Variants in DLGAP1 observed in about 807,000 individuals in gnomAD.
DLGAP1 encodes the protein DLG associated protein 1.
A neutral mutation model predicts 90.8 loss-of-function variants in DLGAP1; 11 were observed. That is an observed-to-expected ratio of 0.12 (90% CI 0.08 to 0.20). The LOEUF is 0.20. Among genes scored for constraint, DLGAP1 ranks in the 10% least tolerant of loss-of-function variants. DLGAP1 has a pLI of 1.00. For synonymous variants in DLGAP1, 558 were observed against 540.7 expected (o/e 1.03, Z -0.44); for missense variants, 1,050 against 1,333.8 (o/e 0.79, Z 3.31).
chr18:3,826,409 G>T (rs1398426310), intron 4 of DLGAP1, among the ~76,000 whole-genome samples: 2 of 152,184 alleles, frequency 1.3e-5, no homozygotes, highest in Non-Finnish European at 1.5e-5. Context: ...GTGGAGGAGA[G>T]GTGGGTGGTG....
At chr18:3,725,846 G>A (rs2062155034) in intron 7 of DLGAP1, among the ~76,000 whole-genome samples, 1 of 152,112 alleles carries the variant, frequency 6.6e-6, no homozygotes, top group South Asian at 2.1e-4. Flanking sequence ...AATACCTAGA[G>A]GATCCCTGCA....
chr18:3,602,870 A>G (rs562355337), intron 7 of DLGAP1: 2 of 152,334 alleles, frequency 1.3e-5, no homozygotes, highest in East Asian at 1.9e-4. Context: ...CGACTAAGCC[A>G]GAGGACGCAA....
At chr18:3,579,228 G>C (rs1386152836) in intron 8 of DLGAP1, among the ~76,000 whole-genome samples, 1 of 152,150 alleles carries the variant, frequency 6.6e-6, no homozygotes, top group Non-Finnish European at 1.5e-5. Flanking sequence ...CTTTCTTTTT[G>C]AGATGGAATT....
intron 6 of DLGAP1, among the ~76,000 whole-genome samples, chr18:3,731,777 CAG>C (rs2147494776): frequency 6.6e-6 from 1 of 152,128 alleles, no homozygotes; most frequent in South Asian, 2.1e-4. Flanking sequence ...TACACAGATA[CAG>C]AAAACCATAC....
At chr18:3,726,611 TG>T (rs1429819122) in intron 7 of DLGAP1, among the ~76,000 whole-genome samples, 1 of 152,238 alleles carries the variant, frequency 6.6e-6, no homozygotes, top group Non-Finnish European at 1.5e-5. Context: ...AAATATCCTA[TG>T]TGCTTACTTA....
chr18:3,992,261 G>T lies in DLGAP1; in HGVS notation c.-73+12855C>A, dbSNP rs368207148. Among the ~76,000 whole-genome samples, 41 of 152,128 alleles carry T rather than the reference G, an allele frequency of 2.7e-4. 1 individual carries two copies. The highest frequency in any genetic ancestry group is 1.6e-3 in the Admixed American group (25 of 15,280). On this transcript the variant is annotated intron_variant, in intron 3 of 12. Coordinates refer to ENST00000315677, the MANE Select transcript of DLGAP1 (RefSeq NM_004746.4). ...GCCAGGCCACTACTTTGTAAAGTAG[G>T]GAAGTCTGCAGGCCCTAGTTGTTCT...
At chr18:4,049,548 A>G (rs1044278368) in intron 2 of DLGAP1, among the ~76,000 whole-genome samples, 1 of 152,124 alleles carries the variant, frequency 6.6e-6, no homozygotes, top group Admixed American at 6.6e-5. Flanking sequence ...TCTAATTTAT[A>G]AGTCTGGGAT....
chr18:4,076,526 A>G (rs753077923), intron 2 of DLGAP1, among the ~76,000 whole-genome samples: 1 of 152,212 alleles, frequency 6.6e-6, no homozygotes, highest in Admixed American at 6.5e-5. Flanking sequence ...ACTAAAGCCT[A>G]GGGTCTAGTG....
chr18:3,597,065 C>T (rs1568268866), intron 7 of DLGAP1: 1 of 519,946 alleles, frequency 1.9e-6, no homozygotes, highest in East Asian at 5.5e-5. Context: ...TGTTTTTCTT[C>T]TTCATTCTTT....
intron 12 of DLGAP1, among the ~76,000 whole-genome samples, chr18:3,500,655 T>G (rs1024265960): frequency 6.6e-6 from 1 of 152,120 alleles, no homozygotes; most frequent in Non-Finnish European, 1.5e-5. Context: ...GCTTGTTCAT[T>G]TTTCTCCTCA....
intron 7 of DLGAP1, among the ~76,000 whole-genome samples, chr18:3,720,895 A>AAAAAAAAAAAAAAAAAAAAAAAG (rs2061953800): frequency 7.1e-6 from 1 of 140,406 alleles, no homozygotes; most frequent in African/African-American, 2.9e-5. Context: ...CTACAAAAAA[A>AAAAAAAAAAAAAAAAAAAAAAAG]AAAAAAAAAA....
At chr18:3,682,867 T>G (rs1177673678) in intron 7 of DLGAP1, among the ~76,000 whole-genome samples, 1 of 151,842 alleles carries the variant, frequency 6.6e-6, no homozygotes, top group Non-Finnish European at 1.5e-5. Context: ...TTCTTTTTTT[T>G]TTTTTTCTGA....
At chr18:3,902,969 G>T (rs896401237) in intron 3 of DLGAP1, among the ~76,000 whole-genome samples, 5 of 151,982 alleles carry the variant, frequency 3.3e-5, no homozygotes, top group African/African-American at 1.2e-4. Flanking sequence ...CTTAATTCCA[G>T]CTGAGAGTGA....
intron 1 of DLGAP1, among the ~76,000 whole-genome samples, chr18:4,423,394 T>G (rs1307938282): frequency 6.6e-6 from 1 of 152,174 alleles, no homozygotes; most frequent in Non-Finnish European, 1.5e-5. Flanking sequence ...TTGTTAAAAT[T>G]TTCGTAATTC....
chr18:4,440,120 CAA>C (rs35152199), intron 1 of DLGAP1, among the ~76,000 whole-genome samples: 30 of 49,332 alleles, frequency 6.1e-4, no homozygotes, highest in African/African-American at 1.7e-3. Context: ...ACTCCGTCAC[CAA>C]AAAAAAAAAA....
At chr18:4,277,980 A>T (rs962313586) in intron 1 of DLGAP1, among the ~76,000 whole-genome samples, 1 of 148,602 alleles carries the variant, frequency 6.7e-6, no homozygotes, top group Admixed American at 6.7e-5. Context: ...AAAAGTGGGA[A>T]AGAGATTGCA....
chr18:4,249,447 C>CAAA (rs11301773), intron 1 of DLGAP1, among the ~76,000 whole-genome samples: 7 of 101,588 alleles, frequency 6.9e-5, no homozygotes, highest in African/African-American at 1.4e-4. Context: ...AATGTTCTGG[C>CAAA]AAAAAAAAAA....
At position 3,758,779 on chromosome 18, in the gene DLGAP1, G is replaced by A. The variant is rs534085363; in HGVS notation, c.1173-16267C>T. On this transcript the variant is annotated intron_variant, in intron 5 of 12. Coordinates refer to ENST00000315677, the MANE Select transcript of DLGAP1 (RefSeq NM_004746.4). ...ATGACTCCTCCAGCATAAGCGTCACGCATAGTAGGATTGCAGATGCCCGAC... is the reference window on the plus strand; with the variant it reads ...ATGACTCCTCCAGCATAAGCGTCACACATAGTAGGATTGCAGATGCCCGAC... Among the ~76,000 whole-genome samples the A allele has an allele frequency of 5.9e-5, 9 of 152,246 alleles. No homozygotes were observed. The South Asian group carries it at 6.2e-4, about 11-fold the overall frequency.
intron 7 of DLGAP1, among the ~76,000 whole-genome samples, chr18:3,614,514 CT>C (rs2057764106): frequency 6.6e-6 from 1 of 151,952 alleles, no homozygotes; most frequent in African/African-American, 2.4e-5. Context: ...TGGCAAATAG[CT>C]GTATCAAAAA....
Sources: allele counts gnomAD v4.1 joint callset (sites outside exome capture counted in the v4.1 genomes callset), GRCh38; gene constraint gnomAD v4.1.1; transcripts MANE v1.5; gene names NCBI Gene and HGNC (gene_info 2026-07-23, HGNC 2026-07-21).